Variants in HERPUD2 observed in about 807,000 individuals in gnomAD.
HERPUD2 encodes HERPUD family member 2.
HERPUD2 carries 13 observed loss-of-function variants against 49.9 expected under a neutral mutation model. The ratio of observed to expected loss-of-function variants is 0.26; its 90% CI spans 0.17 to 0.41. HERPUD2 has a LOEUF of 0.41. Among genes scored for constraint, HERPUD2 ranks in the 10% least tolerant of loss-of-function variants. The pLI is 1.00. For missense variants in HERPUD2, 449 were observed against 492.2 expected (o/e 0.91, Z 0.83); for synonymous variants, 172 against 171.4 (o/e 1.00, Z -0.03).
chr7:35,640,072 T>C (rs954910123), intron 5 of HERPUD2, among the ~76,000 whole-genome samples: 4 of 152,202 alleles, frequency 2.6e-5, no homozygotes, highest in African/African-American at 9.7e-5. Flanking sequence ...TTTAAAAAGA[T>C]GTCAGTTAGT....
intron 5 of HERPUD2, among the ~76,000 whole-genome samples, chr7:35,656,786 G>C (rs1785284289): frequency 6.6e-6 from 1 of 152,102 alleles, no homozygotes; most frequent in South Asian, 2.1e-4. Context: ...TTCGATAAAT[G>C]GTGCTGGAAA....
chr7:35,669,566 T>G (rs1480522834), intron 4 of HERPUD2, among the ~76,000 whole-genome samples: 1 of 152,166 alleles, frequency 6.6e-6, no homozygotes, highest in South Asian at 2.1e-4. Flanking sequence ...CATAAAAGGA[T>G]TGGGGACAAT....
chr7:35,679,415 T>C (rs1212909098), intron 2 of HERPUD2, among the ~76,000 whole-genome samples: 4 of 152,178 alleles, frequency 2.6e-5, no homozygotes, highest in African/African-American at 9.7e-5. Flanking sequence ...CTACACCTAC[T>C]AAACAGAACA....
intron 5 of HERPUD2, among the ~76,000 whole-genome samples, chr7:35,664,217 C>T (rs1296946098): frequency 6.6e-6 from 1 of 152,060 alleles, no homozygotes; most frequent in African/African-American, 2.4e-5. Flanking sequence ...GAATATTGGC[C>T]CCCACTCTCT....
intron 5 of HERPUD2, among the ~76,000 whole-genome samples, chr7:35,663,322 C>T (rs985917537): frequency 6.6e-6 from 1 of 152,120 alleles, no homozygotes; most frequent in South Asian, 2.1e-4. Flanking sequence ...TTACTTCCAA[C>T]TATGTGGTCA....
In HERPUD2 at chr7:35,635,183, G is replaced by T; in HGVS notation, c.893C>A (p.Ser298Tyr). 1 of 1,614,038 alleles carries T rather than the reference G, an allele frequency of 6.2e-7. No individual in the cohort carries two copies. Among genetic ancestry groups the T allele is most frequent in the Non-Finnish European group, 8.5e-7 (1 of 1,179,912 alleles). ...CATTACCATGATAAACCGACTAAAA[G>T]AAGAATAGAAGTATACAATGCTAAG... is the stretch of plus-strand genomic sequence containing the variant. The part of the protein sequence containing the change: ...ILLSIVYFYS[S>Y]FSRFIMVMGA... Residue 298 changes from serine (S) to tyrosine (Y), a missense_variant, in exon 7 of 9, where the codon TCT (serine) becomes TAT (tyrosine). By Grantham distance (144) the Ser-to-Tyr change is moderately radical. Transcript: ENST00000311350.
Position 35,632,666 on chromosome 7 carries a change from T to C in HERPUD2, c.*1024A>G, listed in dbSNP as rs567499061. On this transcript the variant is annotated 3_prime_UTR_variant, in exon 9 of 9. Coordinates refer to ENST00000311350, the MANE Select transcript of HERPUD2 (RefSeq NM_022373.5). ...AAATATCCCATAAAACTGTTTACCA[T>C]AATTGACTTTTTATTTAAAAAATTA... The C allele has an allele frequency of 1.2e-4, 19 of 152,584 alleles. No individual in the cohort carries two copies. Among genetic ancestry groups the C allele is most frequent in the Non-Finnish European group, 2.6e-4 (18 of 68,018 alleles). The allele number at this position is 152,584 out of a possible 1,614,324, so 9.5% of individuals were successfully genotyped here.
intron 2 of HERPUD2, among the ~76,000 whole-genome samples, chr7:35,674,193 T>C (rs1785700288): frequency 6.6e-6 from 1 of 151,682 alleles, no homozygotes; most frequent in African/African-American, 2.4e-5. Flanking sequence ...TACTAAGATC[T>C]GTGGTTCAGG....
chr7:35,652,974 G>C (rs898042328), intron 5 of HERPUD2, among the ~76,000 whole-genome samples: 4 of 151,686 alleles, frequency 2.6e-5, no homozygotes, highest in African/African-American at 7.3e-5. Flanking sequence ...CACCACTACA[G>C]AAAACCACCA....
intron 5 of HERPUD2, among the ~76,000 whole-genome samples, chr7:35,666,123 A>G (rs1483645013): frequency 6.6e-6 from 1 of 152,230 alleles, no homozygotes; most frequent in Non-Finnish European, 1.5e-5. Context: ...GTCATAAGAC[A>G]AAGTATTTGA....
Position 35,632,706 on chromosome 7 carries a change from C to G in HERPUD2, c.*984G>C, listed in dbSNP as rs1394196176. ...TTAAAAAATTACACGGAGCAATTTCCAGCTTATCTTTTTTTATAAAAGTAC... is the reference window on the plus strand; with the variant it reads ...TTAAAAAATTACACGGAGCAATTTCGAGCTTATCTTTTTTTATAAAAGTAC... On this transcript the variant is annotated 3_prime_UTR_variant, in exon 9 of 9. Coordinates refer to ENST00000311350, the MANE Select transcript of HERPUD2 (RefSeq NM_022373.5). 1 of 152,458 alleles carries G rather than the reference C, an allele frequency of 6.6e-6. No homozygotes were observed. Among genetic ancestry groups the G allele is most frequent in the African/African-American group, 2.4e-5 (1 of 41,396 alleles). 9.4% of individuals were successfully genotyped at this position (152,458 alleles called of 1,614,324 possible).
At chr7:35,644,034 A>T (rs1263836792) in intron 5 of HERPUD2, among the ~76,000 whole-genome samples, 1 of 152,194 alleles carries the variant, frequency 6.6e-6, no homozygotes, top group Non-Finnish European at 1.5e-5. Flanking sequence ...TTTGAAAAAC[A>T]TAAGCATATA....
Position 35,682,270 on chromosome 7 carries a change from G to T in HERPUD2, c.148-8992C>A, listed in dbSNP as rs28775946. Among the ~76,000 whole-genome samples, 3 of 32,050 alleles carry T rather than the reference G, an allele frequency of 9.4e-5. 1 individual carries two copies. The highest frequency in any genetic ancestry group is 7.3e-4 in the Admixed American group (2 of 2,756). The allele number at this position is 32,050 out of a possible 152,430, so 21.0% of individuals were successfully genotyped here. The stretch of plus-strand genomic sequence containing the variant: ...ACACACGTGTGTGTGTGTATATATA[G>T]ATATATACACATACACACGTGTGTG... On this transcript the variant is annotated intron_variant, in intron 2 of 8. Coordinates refer to ENST00000311350, the MANE Select transcript of HERPUD2 (RefSeq NM_022373.5).
intron 5 of HERPUD2, among the ~76,000 whole-genome samples, chr7:35,640,842 G>A (rs4489217): frequency 1 from 152,308 of 152,308 alleles, 76,154 homozygotes; most frequent in Non-Finnish European, 1. Flanking sequence ...TAATGCTAGG[G>A]AAAAAGATGA....
At chr7:35,660,890 C>T (rs1314638757) in intron 5 of HERPUD2, among the ~76,000 whole-genome samples, 2 of 152,130 alleles carry the variant, frequency 1.3e-5, no homozygotes, top group South Asian at 2.1e-4. Flanking sequence ...TAATTAGATC[C>T]CATTGGTCAA....
chr7:35,665,595 T>C (rs1238697573), intron 5 of HERPUD2, among the ~76,000 whole-genome samples: 3 of 152,156 alleles, frequency 2.0e-5, no homozygotes, highest in Admixed American at 1.3e-4. Flanking sequence ...CCCTGCTCCA[T>C]GGGCTGCACC....
intron 2 of HERPUD2, among the ~76,000 whole-genome samples, chr7:35,690,259 C>T (rs1786149154): frequency 6.6e-6 from 1 of 152,186 alleles, no homozygotes; most frequent in African/African-American, 2.4e-5. Flanking sequence ...GTGCACTTCC[C>T]ATTTCCTAAA....
Position 35,638,462 on chromosome 7 carries a change from T to G in HERPUD2, c.505A>C (p.Asn169His). The G allele has an allele frequency of 1.9e-6, 3 of 1,612,674 alleles. No individual in the cohort carries two copies. The highest frequency in any genetic ancestry group is 2.5e-6 in the Non-Finnish European group (3 of 1,179,126). ...GGAGCAGCTTGCCCAGGAAATTGGT[T>G]GTCTACATTTCTGCAAGAAATAAAT... ...FPYVMQGNVD[N>H]QFPGQAAPPG... The change falls in exon 6 of 9, where the codon AAC becomes CAC. Residue 169 changes from asparagine to histidine, a missense_variant. By Grantham distance (68) the Asn-to-His change is moderately conservative. Transcript: ENST00000311350.
intron 6 of HERPUD2, among the ~76,000 whole-genome samples, chr7:35,638,093 T>C (rs551928024): frequency 2.6e-5 from 4 of 152,364 alleles, no homozygotes; most frequent in East Asian, 3.9e-4. Context: ...CAGTGAAACA[T>C]TCCTAAGTTT....
Sources: gnomAD v4.1 joint callset for allele counts (sites outside exome capture counted in the v4.1 genomes callset) on GRCh38, gnomAD v4.1.1 for gene constraint, MANE v1.5 for transcripts, NCBI Gene and HGNC (gene_info 2026-07-23, HGNC 2026-07-21) for gene names.